The following GCN1 variants were observed in gnomAD, a reference collection of about 807,000 sequenced individuals.
GCN1 encodes the protein GCN1 activator of EIF2AK4, also known as stalled ribosome sensor GCN1.
In GCN1, 90 loss-of-function variants were observed where a neutral mutation model predicts 288.4. That is an observed-to-expected ratio of 0.31 (90% confidence interval 0.26 to 0.37). GCN1 has a LOEUF of 0.37. GCN1 is among the 10% of genes least tolerant of loss of function. GCN1 has a pLI of 1.00. For synonymous variants in GCN1, 1,386 were observed against 1,420.2 expected, an observed-to-expected ratio of 0.98 and a Z score of 0.54; for missense variants, 2,586 against 3,419.9, an observed-to-expected ratio of 0.76 and a Z score of 6.08.
chr12:120,149,865 TG>T, intron 35 of GCN1, 56 bp downstream of exon 35: 1 of 1,608,534 alleles, frequency 6.2e-7, no homozygotes, highest in Non-Finnish European at 8.5e-7. Context: ...CAGACACAGC[TG>T]GGAACACATC....
chr12:120,184,324 G>T (rs989658157), intron 3 of GCN1, 81 bp from the exon 4 acceptor site: 4 of 1,235,466 alleles, frequency 3.2e-6, no homozygotes, highest in Non-Finnish European at 4.5e-6. Context: ...CCATACACTG[G>T]TCTTTCTCAG....
At chr12:120,128,697 C>T (rs1221795745) in intron 57 of GCN1, among the ~76,000 whole-genome samples, 2 of 151,920 alleles carry the variant, frequency 1.3e-5, no homozygotes, top group African/African-American at 2.4e-5. Context: ...CTCTGGGTTT[C>T]CTCTGGGCAG....
chr12:120,160,211 G>A lies in GCN1; in HGVS notation c.2481C>T (p.Thr827=), dbSNP rs761870821. The stretch of plus-strand genomic sequence containing the variant: ...CCTGCAGCATCTCCTTCTGCTTGCT[G>A]GTCAGCTGCACCTCCTCTTTGATGC... ...KKGIKEEVQL[T]SKQKEMLQAQ... is the part of the protein sequence containing the mutation. Residue 827 remains threonine, a synonymous_variant, in exon 23 of 58, where the codon ACC becomes ACT. Transcript: ENST00000300648. The A allele has an allele frequency of 6.2e-7, 1 of 1,612,420 alleles. No individual in the cohort carries two copies. The highest frequency in any genetic ancestry group is 8.5e-7 in the Non-Finnish European group (1 of 1,179,978).
chr12:120,158,536 C>T lies in GCN1; in HGVS notation c.2829G>A (p.Leu943=). ...VLDKSWCQEE[L]SVAVKRAVML... Reference sequence around the variant, plus strand: ...TCACCGCCCTCTTCACAGCCACCGACAGCTCTTCCTGGCACCAGGACTTAT... The same window carrying T: ...TCACCGCCCTCTTCACAGCCACCGATAGCTCTTCCTGGCACCAGGACTTAT... The change falls in exon 25 of 58, where the codon CTG becomes CTA. Residue 943 remains leucine (L), a synonymous_variant. Coordinates refer to ENST00000300648, the MANE Select transcript of GCN1 (RefSeq NM_006836.2). This position sits in a 1 kb window ranked among gnomAD's most constrained non-coding sequence, Gnocchi z 4.3. 1.3e-6 allele frequency: 2 copies of T among 1,596,146 alleles called. No homozygotes were observed. The highest frequency in any genetic ancestry group is 1.1e-5 in the South Asian group (1 of 87,956).
chr12:120,129,348 G>C lies in GCN1; in HGVS notation c.7818C>G (p.Thr2606=), dbSNP rs368130639. ...CCTGGTCGCTGTAGGCCCTGACCAC[G>C]GTGTTCTTATCCTTGGTGTTGTCAA... The part of the protein sequence containing the change: ...ALLDNTKDKN[T]VVRAYSDQAI... Residue 2606 remains threonine, a synonymous_variant, in exon 57 of 58, where the codon ACC becomes ACG. Coordinates refer to ENST00000300648, the MANE Select transcript of GCN1 (RefSeq NM_006836.2). The C allele has an allele frequency of 6.2e-7, 1 of 1,614,068 alleles. No homozygotes were observed. Among genetic ancestry groups the C allele is most frequent in the African/African-American group, 1.3e-5 (1 of 75,004 alleles).
chr12:120,142,715 A>G lies in GCN1; in HGVS notation c.5621T>C (p.Ile1874Thr). ...FGTAQSNKAI[I>T]TALGVERRNR... The stretch of plus-strand genomic sequence containing the variant: ...CCGCCGCTCTACCCCCAGGGCAGTG[A>G]TGATCGCCTGCAGCCAGTAGAAGGG... The change falls in exon 44 of 58, where the codon ATC becomes ACC. Residue 1874 changes from isoleucine (I) to threonine (T), a missense_variant. Coordinates refer to ENST00000300648, the MANE Select transcript of GCN1 (RefSeq NM_006836.2). The surrounding 1 kb of genome is among the most constrained non-coding windows in gnomAD (Gnocchi z 4.9). 2 of 1,614,100 alleles carry G rather than the reference A, an allele frequency of 1.2e-6. No homozygotes were observed. The highest frequency in any genetic ancestry group is 2.2e-5 in the East Asian group (1 of 44,888).
chr12:120,175,669 T>C (rs1181717834), intron 11 of GCN1, 77 bp downstream of exon 11: 2 of 1,448,066 alleles, frequency 1.4e-6, no homozygotes, highest in Non-Finnish European at 1.9e-6. Context: ...GAGCATCAAG[T>C]CCCCTTCAGA....
At chr12:120,174,246 C>T (rs1308858952) in intron 12 of GCN1, 77 bp from the exon 13 acceptor site, 1 of 814,710 alleles carries the variant, frequency 1.2e-6, no homozygotes, top group Non-Finnish European at 2.2e-6. Context: ...CTGCCACCTC[C>T]GCACTCTGGG....
chr12:120,188,666 G>A (rs545713957), intron 2 of GCN1, among the ~76,000 whole-genome samples: 33 of 151,942 alleles, frequency 2.2e-4, no homozygotes, highest in African/African-American at 7.2e-4. Context: ...TGGCTAACAC[G>A]GTGAAACCCT....
At chr12:120,174,243 C>T (rs1566315686) in intron 12 of GCN1, 74 bp from the exon 13 acceptor site, 6 of 824,264 alleles carry the variant, frequency 7.3e-6, no homozygotes, top group Non-Finnish European at 2.1e-6. Context: ...CTGCTGCCAC[C>T]TCCGCACTCT....
intron 14 of GCN1, among the ~76,000 whole-genome samples, chr12:120,172,131 TG>T (rs1234932875): frequency 6.6e-6 from 1 of 152,192 alleles, no homozygotes; most frequent in African/African-American, 2.4e-5. Context: ...CCCAAAGTGT[TG>T]GGATTACAGG....
At chr12:120,173,949 C>T (rs1001671447) in intron 13 of GCN1, 122 bp downstream of exon 13, 5 of 1,045,464 alleles carry the variant, frequency 4.8e-6, no homozygotes, top group South Asian at 1.4e-5. Context: ...CAGACAGCTA[C>T]GAGCCTTGCT....
intron 14 of GCN1, among the ~76,000 whole-genome samples, chr12:120,172,484 A>G (rs1878342724): frequency 6.6e-6 from 1 of 152,212 alleles, no homozygotes; most frequent in South Asian, 2.1e-4. Context: ...GTCCCCTCCC[A>G]AGAGGAGGCC....
rs527968810 is a variant in GCN1 at position 120,134,522 on chromosome 12, C to T, written c.7202+11G>A. On this transcript the variant is annotated intron_variant, in intron 52 of 57. Coordinates refer to ENST00000300648, the MANE Select transcript of GCN1 (RefSeq NM_006836.2). This position sits in a 1 kb window ranked among gnomAD's most constrained non-coding sequence, Gnocchi z 5.0. Reference sequence around the variant, plus strand: ...CCTGGAGGCCACAGTGCTCCCTTGCCAGCGCCGTACCTGACACCTGGGTCC... The same window carrying T: ...CCTGGAGGCCACAGTGCTCCCTTGCTAGCGCCGTACCTGACACCTGGGTCC... 3.1e-6 allele frequency: 5 copies of T among 1,611,408 alleles called. No individual in the cohort carries two copies. In the South Asian group the frequency reaches 4.4e-5, roughly 14 times the overall value.
At chr12:120,150,820 C>T (rs1343771897) in intron 34 of GCN1, among the ~76,000 whole-genome samples, 3 of 151,938 alleles carry the variant, frequency 2.0e-5, no homozygotes, top group African/African-American at 7.3e-5. Context: ...GCCTGTGGTC[C>T]CAGCTACTTG....
chr12:120,133,118 C>T lies in GCN1; in HGVS notation c.7318-1096G>A, dbSNP rs73410901. On this transcript the variant is annotated intron_variant, in intron 53 of 57. Transcript: ENST00000300648. ...GCTGGGGCTGGAGTCCGACAGCTGG[C>T]GCCTGGGGACCAGAACTAGGCCTTT... Among the ~76,000 whole-genome samples the T allele has an allele frequency of 2.5e-3, 374 of 152,300 alleles. 3 individuals carry two copies. The highest frequency in any genetic ancestry group is 8.5e-3 in the African/African-American group (352 of 41,578).
Position 120,171,178 on chromosome 12 carries a change from T to C in GCN1, c.1367-857A>G, listed in dbSNP as rs182020721. 9.0e-3 allele frequency among the ~76,000 whole-genome samples: 1,279 copies of C among 141,788 alleles called. 13 individuals are homozygous for C. Among genetic ancestry groups the C allele is most frequent in the African/African-American group, 0.032 (1,203 of 37,886 alleles). The allele number at this position is 141,788 out of a possible 152,430, so 93.0% of individuals were successfully genotyped here. A position where few individuals can be genotyped will look rare whatever the true frequency, so the allele number is the denominator to read the frequency against. ...AAAAAAGAGAAACCAGTTAAAACTA[T>C]AGTTTGGCTGGGCACGGTGGCTCAT... is the stretch of plus-strand genomic sequence containing the variant. On this transcript the variant is annotated intron_variant, in intron 14 of 57. Coordinates refer to ENST00000300648, the MANE Select transcript of GCN1 (RefSeq NM_006836.2).
chr12:120,180,667 G>T (rs1878626459), intron 5 of GCN1, among the ~76,000 whole-genome samples: 1 of 151,782 alleles, frequency 6.6e-6, no homozygotes, highest in Non-Finnish European at 1.5e-5. Flanking sequence ...TCACTAGTGA[G>T]TCGTGTGAAC....
At position 120,184,920 on chromosome 12, in the gene GCN1, T is replaced by TAA. The variant is rs768849356; in HGVS notation, c.122-35_122-34dup. On this transcript the variant is annotated intron_variant, in intron 2 of 57. Coordinates refer to ENST00000300648, the MANE Select transcript of GCN1 (RefSeq NM_006836.2). The stretch of plus-strand genomic sequence containing the variant: ...CAGAGATTACACAGACAGCGGTCAA[T>TAA]AAAAATCACTTGGTAAGCCGCTGGA... 2.0e-6 allele frequency: 3 copies of TAA among 1,473,178 alleles called. No individual in the cohort carries two copies. The South Asian group carries it at 3.4e-5, about 17-fold the overall frequency. 91.3% of individuals were successfully genotyped at this position (1,473,178 alleles called of 1,614,324 possible).
Sources: allele counts gnomAD v4.1 joint callset (sites outside exome capture counted in the v4.1 genomes callset), GRCh38; gene constraint gnomAD v4.1.1; non-coding constraint Gnocchi (gnomAD v3.1); transcripts MANE v1.5; gene names NCBI Gene and HGNC (gene_info 2026-07-23, HGNC 2026-07-21).